Variants in OXSR1 observed in about 807,000 individuals in gnomAD.
OXSR1 encodes serine/threonine-protein kinase OSR1.
A neutral mutation model predicts 79.8 loss-of-function variants in OXSR1; 24 were observed. That is an observed-to-expected ratio of 0.30 (90% CI 0.22 to 0.42). OXSR1 has a LOEUF of 0.42. Ranked by LOEUF, OXSR1 falls within the 10% of genes least tolerant of loss-of-function variation. OXSR1 has a pLI of 1.00. For synonymous variants in OXSR1, 226 were observed against 209.2 expected (o/e 1.08, Z -0.69); for missense variants, 430 against 618.4 (o/e 0.70, Z 3.23).
At chr3:38,185,290 A>G (rs1225852964) in intron 2 of OXSR1, among the ~76,000 whole-genome samples, 1 of 152,216 alleles carries the variant, frequency 6.6e-6, no homozygotes, top group Non-Finnish European at 1.5e-5. Flanking sequence ...AACTAAGTAA[A>G]AACTCTGCAC....
chr3:38,230,594 C>T, intron 10 of OXSR1, 164 bp downstream of exon 10: 1 of 579,284 alleles, frequency 1.7e-6, no homozygotes, highest in Non-Finnish European at 3.2e-6. Context: ...TATCTTTGGT[C>T]TACCATATGC....
At position 38,254,368 on chromosome 3, in the gene OXSR1, G is replaced by T. The variant is rs746425341; in HGVS notation, c.*1477G>T. On this transcript the variant is annotated 3_prime_UTR_variant, in exon 18 of 18. Coordinates refer to ENST00000311806, the MANE Select transcript of OXSR1 (RefSeq NM_005109.3). Reference sequence around the variant, plus strand: ...ATTCTGAGTCTTTAGTTTTAGTCATGGGCTTTCTTCACCTGCTCTAGGTGC... The same window carrying T: ...ATTCTGAGTCTTTAGTTTTAGTCATTGGCTTTCTTCACCTGCTCTAGGTGC... 2.5e-6 allele frequency: 1 copy of T among 395,398 alleles called. No individual in the cohort carries two copies. Among genetic ancestry groups the T allele is most frequent in the Non-Finnish European group, 4.5e-6 (1 of 224,394 alleles). The allele number at this position is 395,398 out of a possible 1,614,324, so 24.5% of individuals were successfully genotyped here. A position where few individuals can be genotyped will look rare whatever the true frequency, so the allele number is the denominator to read the frequency against.
intron 8 of OXSR1, among the ~76,000 whole-genome samples, chr3:38,227,376 ATTC>A (rs1320111212): frequency 1.3e-5 from 2 of 152,190 alleles, no homozygotes; most frequent in Non-Finnish European, 2.9e-5. Flanking sequence ...TGGAATCAGA[ATTC>A]TGACCCATGC....
At chr3:38,182,198 C>A (rs538026134) in intron 1 of OXSR1, among the ~76,000 whole-genome samples, 1 of 152,330 alleles carries the variant, frequency 6.6e-6, no homozygotes, top group South Asian at 2.1e-4. Context: ...AACTCCCGTT[C>A]TATCTCTGCA....
chr3:38,217,021 T>C (rs1182040923), intron 5 of OXSR1, among the ~76,000 whole-genome samples: 2 of 152,058 alleles, frequency 1.3e-5, no homozygotes, highest in Non-Finnish European at 2.9e-5. Flanking sequence ...AGAGAAGATA[T>C]TTGCAGCATG....
At chr3:38,226,663 G>C (rs901397251) in intron 8 of OXSR1, among the ~76,000 whole-genome samples, 1 of 151,864 alleles carries the variant, frequency 6.6e-6, no homozygotes, top group African/African-American at 2.4e-5. Context: ...CTCCAAATCC[G>C]TAACTTCGGT....
At chr3:38,192,183 T>G (rs1701996466) in intron 3 of OXSR1, among the ~76,000 whole-genome samples, 1 of 152,222 alleles carries the variant, frequency 6.6e-6, no homozygotes, top group Admixed American at 6.5e-5. Flanking sequence ...TATACTCTAT[T>G]CTTTTTGATA....
intron 4 of OXSR1, among the ~76,000 whole-genome samples, chr3:38,201,466 T>A (rs1020549428): frequency 6.6e-6 from 1 of 151,918 alleles, no homozygotes; most frequent in Non-Finnish European, 1.5e-5. Flanking sequence ...ATCCCAGCAC[T>A]TTGGGAGGCT....
In OXSR1 at chr3:38,165,799, G is replaced by C. The variant is rs1004648722; in HGVS notation, c.-78G>C. On this transcript the variant is annotated 5_prime_UTR_variant, in exon 1 of 18. Transcript: ENST00000311806. ...CGCGGCGGCGGCGGCGGCGGCTGTT[G>C]GGGGTGGGGAGACGCGCGGCGAGGA... 6.9e-6 allele frequency: 9 copies of C among 1,296,274 alleles called. 1 individual carries two copies. The highest frequency in any genetic ancestry group is 3.9e-5 in the Admixed American group (2 of 50,704). The allele number at this position is 1,296,274 out of a possible 1,614,324, so 80.3% of individuals were successfully genotyped here.
intron 1 of OXSR1, among the ~76,000 whole-genome samples, chr3:38,171,116 G>T (rs191942557): frequency 2.0e-5 from 3 of 152,194 alleles, no homozygotes; most frequent in Admixed American, 2.0e-4. Flanking sequence ...AAATCTGATG[G>T]ATGTTCCACA....
intron 2 of OXSR1, among the ~76,000 whole-genome samples, chr3:38,184,854 G>A (rs1319622060): frequency 3.6e-5 from 4 of 111,582 alleles, no homozygotes; most frequent in South Asian, 3.3e-4. Context: ...GCTTAGTATA[G>A]TACTAACAAA....
At chr3:38,240,298 A>T (rs1703005095) in intron 11 of OXSR1, among the ~76,000 whole-genome samples, 1 of 152,160 alleles carries the variant, frequency 6.6e-6, no homozygotes, top group Non-Finnish European at 1.5e-5. Context: ...AAATGAGTAA[A>T]TGTCTCAATG....
At chr3:38,237,435 C>G (rs1347546922) in intron 11 of OXSR1, among the ~76,000 whole-genome samples, 2 of 152,180 alleles carry the variant, frequency 1.3e-5, no homozygotes, top group African/African-American at 4.8e-5. Context: ...TGGTTCATTT[C>G]ATCACTCTTG....
At chr3:38,219,546 G>A (rs1384006) in intron 5 of OXSR1, among the ~76,000 whole-genome samples, 70,740 of 151,808 alleles carry the variant, frequency 0.47, 16,749 homozygotes, top group Middle Eastern at 0.63. Context: ...CCTTAACAAC[G>A]ACCTTGTTAA....
Position 38,247,660 on chromosome 3 carries a change from C to T in OXSR1, c.1258-8C>T. The T allele has an allele frequency of 1.2e-6, 2 of 1,606,812 alleles. No individual in the cohort carries two copies. The highest frequency in any genetic ancestry group is 2.2e-5 in the East Asian group (1 of 44,822). ...GGCAATGACTGTATACCTTTCAATG[C>T]TTTTTAGGCTTTGTCTTCAGGATCA... On this transcript the variant is annotated splice_region_variant and splice_polypyrimidine_tract_variant and intron_variant, in intron 13 of 17. Coordinates refer to ENST00000311806, the MANE Select transcript of OXSR1 (RefSeq NM_005109.3).
intron 5 of OXSR1, among the ~76,000 whole-genome samples, chr3:38,218,863 AC>A (rs1284712896): frequency 2.0e-5 from 3 of 152,040 alleles, no homozygotes; most frequent in Non-Finnish European, 4.4e-5. Flanking sequence ...GCCTGATTCC[AC>A]CTTCTATATT....
chr3:38,252,970 A>G lies in OXSR1; in HGVS notation c.*79A>G. Reference sequence around the variant, plus strand: ...TTGCTTCTATTGGCCTAAACCCACTACTGCCAAAGAACCCAGCAACAAACC... The same window carrying G: ...TTGCTTCTATTGGCCTAAACCCACTGCTGCCAAAGAACCCAGCAACAAACC... On this transcript the variant is annotated 3_prime_UTR_variant, in exon 18 of 18. Coordinates refer to ENST00000311806, the MANE Select transcript of OXSR1 (RefSeq NM_005109.3). 2 of 1,156,524 alleles carry G rather than the reference A, an allele frequency of 1.7e-6. No homozygotes were observed. Among genetic ancestry groups the G allele is most frequent in the Non-Finnish European group, 1.3e-6 (1 of 770,320 alleles). 71.6% of individuals were successfully genotyped at this position (1,156,524 alleles called of 1,614,324 possible).
intron 4 of OXSR1, among the ~76,000 whole-genome samples, chr3:38,206,616 AC>A (rs1702268210): frequency 6.6e-6 from 1 of 152,202 alleles, no homozygotes; most frequent in African/African-American, 2.4e-5. Context: ...AAAAGAAGAT[AC>A]TTTCATCGGT....
At chr3:38,205,594 C>G (rs1384699486) in intron 4 of OXSR1, among the ~76,000 whole-genome samples, 2 of 152,186 alleles carry the variant, frequency 1.3e-5, no homozygotes, top group Non-Finnish European at 2.9e-5. Context: ...CTAGTAGAGC[C>G]ACTGATGACC....
Sources: allele counts gnomAD v4.1 joint callset (sites outside exome capture counted in the v4.1 genomes callset), GRCh38; gene constraint gnomAD v4.1.1; transcripts MANE v1.5; gene names NCBI Gene and HGNC (gene_info 2026-07-23, HGNC 2026-07-21).